The following FAN1 variants were observed in gnomAD, a reference collection of about 807,000 sequenced individuals.
FAN1 encodes the protein FANCD2 and FANCI associated nuclease 1, also known as fanconi-associated nuclease 1.
A neutral mutation model predicts 104.9 loss-of-function variants in FAN1; 91 were observed. The ratio of observed to expected loss-of-function variants is 0.87; its 90% CI spans 0.73 to 1.03. The LOEUF is 1.03. Among genes scored for constraint, FAN1 ranks in the 50% least tolerant of loss-of-function variants. FAN1 has a pLI of 0.00. For missense variants in FAN1, 1,263 were observed against 1,239.9 expected, an observed-to-expected ratio of 1.02 and a Z score of -0.28; for synonymous variants, 478 against 457.6, an observed-to-expected ratio of 1.04 and a Z score of -0.57.
In FAN1 at chr15:30,942,370, A is replaced by C; in HGVS notation, c.*808A>C. 2.2e-6 allele frequency: 1 copy of C among 450,790 alleles called. No homozygotes were observed. Among genetic ancestry groups the C allele is most frequent in the South Asian group, 3.3e-5 (1 of 30,560 alleles). The allele number at this position is 450,790 out of a possible 1,614,324, so 27.9% of individuals were successfully genotyped here. On this transcript the variant is annotated 3_prime_UTR_variant, in exon 15 of 15. Transcript: ENST00000362065. The stretch of plus-strand genomic sequence containing the variant: ...TAAGACGGGCTAGAAAAAACACTAG[A>C]CCTGGCCGATTCTATCAAGAACAAT...
chr15:30,905,796 G>GT lies in FAN1; in HGVS notation c.1136dup (p.Leu380ProfsTer9). 1 of 1,614,208 alleles carries GT rather than the reference G, an allele frequency of 6.2e-7. No individual in the cohort carries two copies. Among genetic ancestry groups the GT allele is most frequent in the Non-Finnish European group, 8.5e-7 (1 of 1,180,026 alleles). On this transcript the variant is annotated frameshift_variant, in exon 2 of 15. Coordinates refer to ENST00000362065, the MANE Select transcript of FAN1 (RefSeq NM_014967.5). LOFTEE classifies it high-confidence loss of function. The stretch of plus-strand genomic sequence containing the variant: ...ACCGGTCATCCTTACTACCTTCGGA[G>GT]TTTCCTTGTGGTGCTGAAAACCGTA...
chr15:30,926,536 G>A (rs1226350162), intron 10 of FAN1: 1 of 693,248 alleles, frequency 1.4e-6, no homozygotes, highest in Admixed American at 6.3e-5. Flanking sequence ...CCACAAGATA[G>A]GAGTTTACAA....
chr15:30,925,297 G>A lies in FAN1; in HGVS notation c.2337+6G>A. The A allele has an allele frequency of 1.2e-6, 2 of 1,612,846 alleles. No individual in the cohort carries two copies. Among genetic ancestry groups the A allele is most frequent in the East Asian group, 2.2e-5 (1 of 44,838 alleles). ...CTGTGCAAGATGTGAAACACGTGAG[G>A]AAAGAGCCTGTGGGTGCTTTGGACT... On this transcript the variant is annotated splice_donor_region_variant and intron_variant, in intron 9 of 14. Transcript: ENST00000362065.
chr15:30,941,327 A>G, intron 14 of FAN1: 1 of 1,532,044 alleles, frequency 6.5e-7, no homozygotes, highest in African/African-American at 1.4e-5. Flanking sequence ...GCATGATTCA[A>G]CATGTTTTTA....
rs560482771 is a variant in FAN1 at position 30,914,188 on chromosome 15, G to A, written c.1811+97G>A. The A allele has an allele frequency of 1.8e-3, 1,486 of 838,672 alleles. 35 individuals are homozygous for A. The South Asian group carries it at 0.025, about 14-fold the overall frequency. 52.0% of individuals were successfully genotyped at this position (838,672 alleles called of 1,614,324 possible). On this transcript the variant is annotated intron_variant, in intron 5 of 14. Transcript: ENST00000362065. ...TTTCCAGCCAAAGTAGAAACATTAA[G>A]TCCACAGCCAAAACAGTTTTTAATC...
intron 10 of FAN1, chr15:30,926,840 A>C (rs868018392): frequency 2.0e-6 from 2 of 985,196 alleles, no homozygotes; most frequent in Non-Finnish European, 2.4e-6. Context: ...AGTAGAAACT[A>C]TTTTTCCCTG....
chr15:30,927,185 G>A (rs2062484115), intron 10 of FAN1: 3 of 963,342 alleles, frequency 3.1e-6, no homozygotes, highest in African/African-American at 1.8e-5. Flanking sequence ...CTCCAGTCTG[G>A]GTGACAGAGT....
intron 7 of FAN1, among the ~76,000 whole-genome samples, 176 bp from the exon 8 acceptor site, chr15:30,922,059 C>T (rs1194026634): frequency 6.6e-6 from 1 of 152,150 alleles, no homozygotes; most frequent in Non-Finnish European, 1.5e-5. Context: ...GAACTCATGC[C>T]CACTCCAGAA....
intron 4 of FAN1, among the ~76,000 whole-genome samples, chr15:30,912,353 A>C (rs2062117283): frequency 6.6e-6 from 1 of 152,218 alleles, no homozygotes; most frequent in East Asian, 1.9e-4. Flanking sequence ...AAACAGCCAC[A>C]TTATTACAGA....
Position 30,904,676 on chromosome 15 carries a change from G to A in FAN1, c.13G>A (p.Gly5Arg), listed in dbSNP as rs149291568. The change falls in exon 2 of 15, where the codon GGG (glycine) becomes AGG (arginine). Residue 5 changes from glycine to arginine, a missense_variant. Transcript: ENST00000362065. Reference protein sequence around the residue: MMSEGKPPDKKRPRR... With the variant: MMSERKPPDKKRPRR... ...TTTTCTAATACTCATGATGTCAGAA[G>A]GGAAACCTCCTGACAAAAAAAGGCC... 84 of 1,607,230 alleles carry A rather than the reference G, an allele frequency of 5.2e-5. No homozygotes were observed. In the African/African-American group the frequency reaches 9.9e-4, roughly 19 times the overall value.
In FAN1 at chr15:30,905,195, G is replaced by A. The variant is rs769392650; in HGVS notation, c.532G>A (p.Gly178Ser). 17 of 1,613,444 alleles carry A rather than the reference G, an allele frequency of 1.1e-5. No homozygotes were observed. Among genetic ancestry groups the A allele is most frequent in the African/African-American group, 4.0e-5 (3 of 74,872 alleles). ...KSIDKDEEFA[G>S]SSPQSSKSTV... is the part of the protein sequence containing the mutation. ...AATAGATAAGGATGAAGAATTTGCC[G>A]GTTCTAGTCCACAGAGTTCCAAATC... Residue 178 changes from glycine (G) to serine (S), a missense_variant, in exon 2 of 15, where the codon GGT becomes AGT. Transcript: ENST00000362065.
intron 13 of FAN1, among the ~76,000 whole-genome samples, chr15:30,933,557 G>GT (rs2062769522): frequency 6.6e-6 from 1 of 152,090 alleles, no homozygotes; most frequent in East Asian, 1.9e-4. Flanking sequence ...GTATTCCCTG[G>GT]TGAATATTCT....
chr15:30,925,728 C>T, intron 9 of FAN1, 61 bp from the exon 10 acceptor site: 1 of 1,583,144 alleles, frequency 6.3e-7, no homozygotes, highest in Non-Finnish European at 8.6e-7. Context: ...ATGCTACAGG[C>T]AGGTTTTCAG....
chr15:30,906,468 C>A (rs2061981691), intron 2 of FAN1: 2 of 456,734 alleles, frequency 4.4e-6, no homozygotes, highest in South Asian at 3.1e-5. Context: ...GCCTGAAGTC[C>A]TTGGCAGCCA....
chr15:30,917,295 T>C (rs927731162), intron 5 of FAN1, among the ~76,000 whole-genome samples: 1 of 152,010 alleles, frequency 6.6e-6, no homozygotes, highest in African/African-American at 2.4e-5. Flanking sequence ...TTGAAGCTGT[T>C]GTGTGTGGCA....
At position 30,941,738 on chromosome 15, in the gene FAN1, A is replaced by C. The variant is rs1378585638; in HGVS notation, c.*176A>C. The C allele has an allele frequency of 6.2e-7, 1 of 1,613,830 alleles. No homozygotes were observed. Among genetic ancestry groups the C allele is most frequent in the Non-Finnish European group, 8.5e-7 (1 of 1,179,874 alleles). On this transcript the variant is annotated 3_prime_UTR_variant, in exon 15 of 15. Coordinates refer to ENST00000362065, the MANE Select transcript of FAN1 (RefSeq NM_014967.5). ...CCGCAGCATCCTGCTCAGTACGTCG[A>C]CTTCATCAGCCAGGAGGGAGAGCTT...
chr15:30,933,986 T>G (rs1330975575), intron 13 of FAN1, among the ~76,000 whole-genome samples: 2 of 151,900 alleles, frequency 1.3e-5, no homozygotes, highest in Non-Finnish European at 2.9e-5. Context: ...GGTCTCAAAC[T>G]CCTGGGCTCC....
Position 30,942,337 on chromosome 15 carries a change from A to ATAAG in FAN1, c.*777_*780dup. ...CTCCTATCCACTAATTTGCTTAAGG[A>ATAAG]TAAGTTCTAAGACGGGCTAGAAAAA... On this transcript the variant is annotated 3_prime_UTR_variant, in exon 15 of 15. Transcript: ENST00000362065. 5.7e-6 allele frequency: 3 copies of ATAAG among 523,068 alleles called. No homozygotes were observed. In the South Asian group the frequency reaches 7.4e-5, roughly 13 times the overall value. 32.4% of individuals were successfully genotyped at this position (523,068 alleles called of 1,614,324 possible).
At chr15:30,911,744 T>G (rs1252759549) in intron 4 of FAN1, 4 of 962,578 alleles carry the variant, frequency 4.2e-6, no homozygotes, top group Non-Finnish European at 3.7e-6. Flanking sequence ...ATATGTAACA[T>G]TTTATAAGCA....
Sources: allele counts gnomAD v4.1 joint callset (sites outside exome capture counted in the v4.1 genomes callset), GRCh38; gene constraint gnomAD v4.1.1; transcripts MANE v1.5; gene names NCBI Gene and HGNC (gene_info 2026-07-23, HGNC 2026-07-21).